CCDC137: variants seen among roughly 807,000 people sequenced by gnomAD.
The protein encoded by CCDC137 is coiled-coil domain containing 137.
Under a neutral mutation model 30.4 loss-of-function variants are expected in CCDC137, and 24 were observed. That is an observed-to-expected ratio of 0.79 (90% CI 0.57 to 1.11). CCDC137 has a LOEUF of 1.11. Among genes scored for constraint, CCDC137 ranks in the 50% least tolerant of loss-of-function variants. The pLI, the probability that CCDC137 is intolerant of heterozygous loss-of-function variation, is 0.00. For missense variants in CCDC137, 417 were observed against 380.4 expected, an observed-to-expected ratio of 1.10 and a Z score of -0.80; for synonymous variants, 182 against 155.7, an observed-to-expected ratio of 1.17 and a Z score of -1.26.
chr17:81,671,862 C>A (rs771669975), intron 4 of CCDC137, 36 bp downstream of exon 4: 3 of 1,608,120 alleles, frequency 1.9e-6, no homozygotes, highest in Non-Finnish European at 2.6e-6. Context: ...CAGCAGTGGT[C>A]CGGGTGGGGC....
At position 81,670,300 on chromosome 17, in the gene CCDC137, A is replaced by G; in HGVS notation, c.344A>G (p.Lys115Arg). The change falls in exon 3 of 6, where the codon AAA becomes AGA. Residue 115 changes from lysine (K) to arginine (R), a missense_variant. Lys to Arg is a conservative substitution (Grantham distance 26, BLOSUM62 2). Coordinates refer to ENST00000329214, the MANE Select transcript of CCDC137 (RefSeq NM_199287.3). ...EEPDIAVPKF[K>R]QRKGESDGAY... Reference sequence around the variant, plus strand: ...CCCGACATCGCAGTCCCCAAGTTCAAACAGAGGAAGGGGGAGTCTGACGGG... The same window carrying G: ...CCCGACATCGCAGTCCCCAAGTTCAGACAGAGGAAGGGGGAGTCTGACGGG... The G allele has an allele frequency of 1.2e-6, 2 of 1,614,036 alleles. No homozygotes were observed. The highest frequency in any genetic ancestry group is 1.1e-5 in the South Asian group (1 of 91,078).
rs1007586324 is a variant in CCDC137, at chr17:81,673,524, G to A, written c.*820G>A. ...TCTTGGGCTCAAGGTCACAGAGTGGGGCCCAGGGGGAGTTCCTGCTGAGGG... is the reference window on the plus strand; with the variant it reads ...TCTTGGGCTCAAGGTCACAGAGTGGAGCCCAGGGGGAGTTCCTGCTGAGGG... On this transcript the variant is annotated 3_prime_UTR_variant, in exon 6 of 6. Transcript: ENST00000329214. 14 of 152,284 alleles carry A rather than the reference G, an allele frequency of 9.2e-5. No homozygotes were observed. The highest frequency in any genetic ancestry group is 2.7e-4 in the African/African-American group (11 of 41,458). 9.4% of individuals were successfully genotyped at this position (152,284 alleles called of 1,614,324 possible).
chr17:81,670,607 G>C (rs7209877), intron 3 of CCDC137, among the ~76,000 whole-genome samples, 154 bp downstream of exon 3: 38,979 of 152,056 alleles, frequency 0.26, 5,534 homozygotes, highest in African/African-American at 0.39. Context: ...TTGGCGAGTC[G>C]GAGCATCCAG....
chr17:81,670,583 C>G (rs2036708694), intron 3 of CCDC137, 130 bp downstream of exon 3: 1 of 793,948 alleles, frequency 1.3e-6, no homozygotes, highest in Non-Finnish European at 2.0e-6. Context: ...GAGACCAAGC[C>G]AGAGCCCTGG....
At chr17:81,671,967 T>C (rs2036723865) in intron 4 of CCDC137, 109 bp from the exon 5 acceptor site, 1 of 1,456,722 alleles carries the variant, frequency 6.9e-7, no homozygotes, top group Non-Finnish European at 9.6e-7. Flanking sequence ...CTGGATGAGT[T>C]GGTGTTCTGT....
chr17:81,670,382 C>G lies in CCDC137; in HGVS notation c.426C>G (p.Asn142Lys), dbSNP rs769412116. ...AGCATGTGCTGTTCCTCAGCAAGAA[C>G]CAGGCCATCCGGCAGCCAGAGGTGC... Reference protein sequence around the residue: ...EAQHVLFLSKNQAIRQPEVQA... With the variant: ...EAQHVLFLSKKQAIRQPEVQA... Residue 142 changes from asparagine (N) to lysine (K), a missense_variant, in exon 3 of 6, where the codon AAC becomes AAG. Physicochemically the swap from Asn to Lys is moderately conservative, Grantham distance 94. Transcript: ENST00000329214. 2.5e-6 allele frequency: 4 copies of G among 1,613,990 alleles called. No individual in the cohort carries two copies. Among genetic ancestry groups the G allele is most frequent in the Non-Finnish European group, 3.4e-6 (4 of 1,180,032 alleles).
chr17:81,670,431 G>A lies in CCDC137; in HGVS notation c.475G>A (p.Glu159Lys), dbSNP rs1178154004. The change falls in exon 3 of 6, where the codon GAG becomes AAG. Residue 159 changes from glutamate to lysine, a missense_variant. Coordinates refer to ENST00000329214, the MANE Select transcript of CCDC137 (RefSeq NM_199287.3). ...EVQAAPKEKS[E>K]QKKAKKAFQK... ...GCAGGCAGCTCCCAAGGAGAAGTCT[G>A]AGCAGAAAAAAGCAAAAAAAGCGTG... 1 of 1,613,384 alleles carries A rather than the reference G, an allele frequency of 6.2e-7. No homozygotes were observed. The highest frequency in any genetic ancestry group is 8.5e-7 in the Non-Finnish European group (1 of 1,179,952).
chr17:81,668,288 CAA>C (rs2036673781), intron 2 of CCDC137, among the ~76,000 whole-genome samples: 1 of 152,088 alleles, frequency 6.6e-6, no homozygotes, highest in Non-Finnish European at 1.5e-5. Flanking sequence ...ATTCTTGGGA[CAA>C]GAGTGCTGAA....
chr17:81,668,498 C>G (rs2036678825), intron 2 of CCDC137, among the ~76,000 whole-genome samples: 1 of 152,204 alleles, frequency 6.6e-6, no homozygotes, highest in South Asian at 2.1e-4. Flanking sequence ...ACACATTTCT[C>G]TTCCCAAACG....
In CCDC137 at chr17:81,670,375, G is replaced by T. The variant is rs1481660262; in HGVS notation, c.419G>T (p.Ser140Ile). 8.7e-6 allele frequency: 14 copies of T among 1,613,886 alleles called. No homozygotes were observed. Among genetic ancestry groups the T allele is most frequent in the Non-Finnish European group, 1.2e-5 (14 of 1,180,042 alleles). ...GAGGCCCAGCATGTGCTGTTCCTCA[G>T]CAAGAACCAGGCCATCCGGCAGCCA... ...QQEAQHVLFL[S>I]KNQAIRQPEV... The change falls in exon 3 of 6, where the codon AGC becomes ATC. Residue 140 changes from serine to isoleucine, a missense_variant. By Grantham distance (142) the Ser-to-Ile change is moderately radical. Transcript: ENST00000329214.
chr17:81,670,023 T>A, intron 2 of CCDC137: 1 of 587,610 alleles, frequency 1.7e-6, no homozygotes, highest in Non-Finnish European at 3.1e-6. Flanking sequence ...TGGACATCTG[T>A]GACAGGTGCC....
Position 81,667,792 on chromosome 17 carries a change from G to A in CCDC137, c.198G>A (p.Arg66=). Reference sequence around the variant, plus strand: ...AGGACGAACAGGAGATTCCTTTCCGGCTCCGGGAGATTATGAGGAGCCGCC... The same window carrying A: ...AGGACGAACAGGAGATTCCTTTCCGACTCCGGGAGATTATGAGGAGCCGCC... ...KNQDEQEIPF[R]LREIMRSRQE... The change falls in exon 2 of 6, where the codon CGG becomes CGA. Residue 66 remains arginine, a synonymous_variant. Transcript: ENST00000329214. 6.2e-7 allele frequency: 1 copy of A among 1,613,170 alleles called. No individual in the cohort carries two copies. Among genetic ancestry groups the A allele is most frequent in the South Asian group, 1.1e-5 (1 of 91,032 alleles).
In CCDC137 at chr17:81,673,430, C is replaced by G. The variant is rs917970570; in HGVS notation, c.*726C>G. On this transcript the variant is annotated 3_prime_UTR_variant, in exon 6 of 6. Transcript: ENST00000329214. Reference sequence around the variant, plus strand: ...AAAACAGTGGGAACAGAGTTGTCACCTACCTAACAGGGCTCTGAGAGAGCC... The same window carrying G: ...AAAACAGTGGGAACAGAGTTGTCACGTACCTAACAGGGCTCTGAGAGAGCC... The G allele has an allele frequency of 6.6e-6, 1 of 152,122 alleles. No homozygotes were observed. The highest frequency in any genetic ancestry group is 2.4e-5 in the African/African-American group (1 of 41,422). 9.4% of individuals were successfully genotyped at this position (152,122 alleles called of 1,614,324 possible).
At chr17:81,667,494 A>T (rs890133350) in intron 1 of CCDC137, among the ~76,000 whole-genome samples, 4 of 151,416 alleles carry the variant, frequency 2.6e-5, no homozygotes, top group Admixed American at 6.6e-5. Flanking sequence ...CGCCCGGCAA[A>T]TTTTTTGTAT....
chr17:81,672,287 T>C, intron 5 of CCDC137, 132 bp downstream of exon 5: 1 of 1,026,982 alleles, frequency 9.7e-7, no homozygotes, highest in South Asian at 1.4e-5. Flanking sequence ...GGCGGATTGC[T>C]TGAGCCCAGG....
Position 81,666,830 on chromosome 17 carries a change from C to T in CCDC137, c.64C>T (p.Arg22Ter). ...GCAGGCGGGTCCTGGGAGTCCCCGG[C>T]GAGCGCGGGGGCGGCAGCAAGTGCA... The part of the protein sequence containing the change: ...RVQAGPGSPR[R>*]ARGRQQVQPL... Residue 22 changes from arginine (R) to a stop codon, truncating the protein, a stop_gained, in exon 1 of 6, where the codon CGA (arginine) becomes TGA (stop). Transcript: ENST00000329214. LOFTEE classifies it high-confidence loss of function. 1 of 1,346,650 alleles carries T rather than the reference C, an allele frequency of 7.4e-7. No homozygotes were observed. The highest frequency in any genetic ancestry group is 9.6e-7 in the Non-Finnish European group (1 of 1,045,634). The allele number at this position is 1,346,650 out of a possible 1,614,324, so 83.4% of individuals were successfully genotyped here.
chr17:81,669,923 C>G (rs561097765), intron 2 of CCDC137: 1 of 370,424 alleles, frequency 2.7e-6, no homozygotes, highest in African/African-American at 2.1e-5. Flanking sequence ...GCAATGGAGT[C>G]TGTGGGTGAT....
At chr17:81,666,948 A>T in intron 1 of CCDC137, 48 bp downstream of exon 1, 1 of 1,243,358 alleles carries the variant, frequency 8.0e-7, no homozygotes, top group Non-Finnish European at 1.0e-6. Flanking sequence ...AGAGAAGGGG[A>T]CGCCTTGAAG....
chr17:81,671,510 T>A (rs1598734271), intron 3 of CCDC137: 2 of 543,270 alleles, frequency 3.7e-6, no homozygotes, highest in Non-Finnish European at 6.7e-6. Context: ...CAGGTAGCTG[T>A]CCCCAGCTGA....
Sources: gnomAD v4.1 joint callset for allele counts (sites outside exome capture counted in the v4.1 genomes callset) on GRCh38, gnomAD v4.1.1 for gene constraint, MANE v1.5 for transcripts, NCBI Gene and HGNC (gene_info 2026-07-23, HGNC 2026-07-21) for gene names.